EDA: variants seen among roughly 807,000 people sequenced by gnomAD.
EDA encodes ectodysplasin A.
In EDA, 2 loss-of-function variants were observed where a neutral mutation model predicts 23.6. The observed-to-expected ratio is 0.08, with a 90% CI of 0.03 to 0.27. The LOEUF (loss-of-function observed/expected upper bound fraction) is 0.27, where lower values mean the gene tolerates loss of function less well. Among genes scored for constraint, EDA ranks in the 10% least tolerant of loss-of-function variants. EDA has a pLI of 1.00. For synonymous variants in EDA, 131 were observed against 132.0 expected (o/e 0.99, Z 0.05); for missense variants, 229 against 324.2 (o/e 0.71, Z 2.26).
At chrX:69,676,028 G>A (rs763309136) in intron 1 of EDA, among the ~76,000 whole-genome samples, 1 of 111,061 alleles carries the variant, frequency 9.0e-6, no homozygotes, top group South Asian at 3.9e-4. Context: ...GAGTGTTCCA[G>A]AAATAGCAAC....
At chrX:69,764,104 TA>T (rs1297230807) in intron 1 of EDA, among the ~76,000 whole-genome samples, 1 of 109,616 alleles carries the variant, frequency 9.1e-6, no homozygotes, top group Non-Finnish European at 1.9e-5. Flanking sequence ...AAGGAAAGTG[TA>T]TATGCCTCCT....
At chrX:69,977,351 G>C (rs1266697624) in intron 2 of EDA, among the ~76,000 whole-genome samples, 1 of 111,633 alleles carries the variant, frequency 9.0e-6, no homozygotes, top group Non-Finnish European at 1.9e-5. Context: ...GTATTTGTCT[G>C]TTTCTTTTTT....
chrX:69,756,045 G>A (rs111361531), intron 1 of EDA, among the ~76,000 whole-genome samples: 1 of 111,925 alleles, frequency 8.9e-6, no homozygotes, highest in Non-Finnish European at 1.9e-5. Flanking sequence ...TGCTCCATGG[G>A]CTGCACCCAC....
chrX:69,988,446 C>T (rs765662853), intron 2 of EDA, among the ~76,000 whole-genome samples: 3 of 112,373 alleles, frequency 2.7e-5, no homozygotes, highest in South Asian at 7.4e-4. Flanking sequence ...GGGATGGATA[C>T]GCCATGTTCC....
intron 2 of EDA, among the ~76,000 whole-genome samples, chrX:70,004,305 T>C (rs187081966): frequency 1.8e-5 from 2 of 112,129 alleles, no homozygotes; most frequent in East Asian, 2.8e-4. Flanking sequence ...GAGGAAATCC[T>C]TGGATGAGGA....
At chrX:69,690,608 C>A (rs775807057) in intron 1 of EDA, among the ~76,000 whole-genome samples, 6 of 111,081 alleles carry the variant, frequency 5.4e-5, no homozygotes, top group Non-Finnish European at 1.1e-4. Context: ...CTTGTGATAT[C>A]TTTTTCTGGT....
chrX:69,732,074 A>G (rs2013052145), intron 1 of EDA, among the ~76,000 whole-genome samples: 2 of 104,401 alleles, frequency 1.9e-5, no homozygotes, highest in Admixed American at 2.1e-4. Flanking sequence ...ACATTGATTA[A>G]TTATTAAATA....
At chrX:69,878,907 G>T (rs989624565) in intron 1 of EDA, among the ~76,000 whole-genome samples, 1 of 111,178 alleles carries the variant, frequency 9.0e-6, no homozygotes, top group African/African-American at 3.3e-5. Context: ...CCTCCAATGT[G>T]TGTAAAATGC....
intron 1 of EDA, among the ~76,000 whole-genome samples, chrX:69,660,529 C>T (rs1316795096): frequency 2.9e-5 from 3 of 103,720 alleles, no homozygotes; most frequent in Non-Finnish European, 5.9e-5. Flanking sequence ...GTGTGATGTT[C>T]CCCACCCTGT....
At chrX:69,952,950 T>C (rs905696159) in intron 1 of EDA, among the ~76,000 whole-genome samples, 1 of 108,188 alleles carries the variant, frequency 9.2e-6, no homozygotes, top group East Asian at 2.9e-4. Context: ...GGCGGGGAGG[T>C]TCTTCATCTG....
At chrX:69,702,337 A>G (rs994004316) in intron 1 of EDA, among the ~76,000 whole-genome samples, 4 of 110,616 alleles carry the variant, frequency 3.6e-5, no homozygotes, top group African/African-American at 9.9e-5. Flanking sequence ...GAGGATAGAT[A>G]GGGGCATAAG....
intron 1 of EDA, among the ~76,000 whole-genome samples, chrX:69,848,374 C>T (rs1244139142): frequency 2.7e-5 from 3 of 111,243 alleles, no homozygotes; most frequent in African/African-American, 9.8e-5. Flanking sequence ...CATAGTAGTT[C>T]CTCTTGCTGA....
intron 1 of EDA, among the ~76,000 whole-genome samples, chrX:69,853,691 CT>C (rs753701579): frequency 8.9e-6 from 1 of 112,311 alleles, no homozygotes; most frequent in Non-Finnish European, 1.9e-5. Context: ...AAAATGACAG[CT>C]AACTGACAGC....
chrX:69,987,767 C>A (rs1434779746), intron 2 of EDA, among the ~76,000 whole-genome samples: 1 of 111,522 alleles, frequency 9.0e-6, no homozygotes, highest in Admixed American at 9.5e-5. Context: ...AGATTCTATT[C>A]CATTTCTTCC....
At chrX:69,885,826 TG>T (rs1201090204) in intron 1 of EDA, among the ~76,000 whole-genome samples, 1 of 112,266 alleles carries the variant, frequency 8.9e-6, no homozygotes, top group Non-Finnish European at 1.9e-5. Flanking sequence ...GCTTTGGTCC[TG>T]CTACCAAAAC....
intron 1 of EDA, chrX:69,742,972 G>A (rs917314621): frequency 9.0e-6 from 1 of 111,099 alleles, no homozygotes; most frequent in African/African-American, 3.3e-5. Context: ...TCCCAGTCCA[G>A]TACTCTTCAT....
chrX:69,980,807 C>T lies in EDA; in HGVS notation c.502+23675C>T, dbSNP rs1284055861. Among the ~76,000 whole-genome samples the T allele has an allele frequency of 4.5e-5, 5 of 112,276 alleles. No individual in the cohort carries two copies. The East Asian group carries it at 8.4e-4, about 19-fold the overall frequency. On this transcript the variant is annotated intron_variant, in intron 2 of 7. Coordinates refer to ENST00000374552, the MANE Select transcript of EDA (RefSeq NM_001399.5). Reference sequence around the variant, plus strand: ...TTTACATATAGACACAGATAACAACCTCAGATATGTTAAATAACTTGAGTA... The same window carrying T: ...TTTACATATAGACACAGATAACAACTTCAGATATGTTAAATAACTTGAGTA...
chrX:69,652,542 A>G (rs1933139023), intron 1 of EDA, among the ~76,000 whole-genome samples: 1 of 111,942 alleles, frequency 8.9e-6, no homozygotes, highest in Non-Finnish European at 1.9e-5. Flanking sequence ...ACAATCTTTC[A>G]TCTTACACTT....
intron 1 of EDA, among the ~76,000 whole-genome samples, chrX:69,641,993 A>G (rs201702892): frequency 1.8e-5 from 2 of 112,249 alleles, no homozygotes; most frequent in African/African-American, 3.2e-5. Context: ...CGAAGTATTT[A>G]GAAAAGTTCC....
Sources: gnomAD v4.1 joint callset for allele counts (sites outside exome capture counted in the v4.1 genomes callset) on GRCh38, gnomAD v4.1.1 for gene constraint, MANE v1.5 for transcripts, NCBI Gene and HGNC (gene_info 2026-07-23, HGNC 2026-07-21) for gene names.